SUGCT: variants seen among roughly 807,000 people sequenced by gnomAD.
SUGCT encodes the protein succinyl-CoA:glutarate CoA-transferase.
SUGCT carries 41 observed loss-of-function variants against 55.0 expected under a neutral mutation model. The ratio of observed to expected loss-of-function variants is 0.74; its 90% confidence interval spans 0.58 to 0.97. The LOEUF (loss-of-function observed/expected upper bound fraction) is 0.97. SUGCT is among the 50% of genes least tolerant of loss of function. SUGCT has a pLI of 0.00. For synonymous variants in SUGCT, 187 were observed against 200.4 expected (o/e 0.93, Z 0.56); for missense variants, 568 against 547.8 (o/e 1.04, Z -0.37).
chr7:40,138,224 C>T (rs1248336583), intron 1 of SUGCT, among the ~76,000 whole-genome samples: 1 of 152,122 alleles, frequency 6.6e-6, no homozygotes, highest in Admixed American at 6.5e-5. Context: ...TTACCACCAA[C>T]TTATAAGGGA....
At chr7:40,769,833 A>G (rs1789000372) in intron 13 of SUGCT, among the ~76,000 whole-genome samples, 1 of 152,196 alleles carries the variant, frequency 6.6e-6, no homozygotes, top group Non-Finnish European at 1.5e-5. Flanking sequence ...CTTAAATTTT[A>G]TTTGATCCCT....
intron 12 of SUGCT, among the ~76,000 whole-genome samples, chr7:40,746,028 A>G (rs1787712154): frequency 6.6e-6 from 1 of 152,204 alleles, no homozygotes; most frequent in Non-Finnish European, 1.5e-5. Flanking sequence ...TTCACCAAAA[A>G]ATGTTATACA....
chr7:40,930,428 T>A, the SUGCT span, among the ~76,000 whole-genome samples: 1 of 152,204 alleles, frequency 6.6e-6, no homozygotes, highest in Non-Finnish European at 1.5e-5. Context: ...CTATATGAAC[T>A]TTAAAGTAGT....
At chr7:40,827,744 C>T (rs1299527846) in intron 13 of SUGCT, among the ~76,000 whole-genome samples, 1 of 152,134 alleles carries the variant, frequency 6.6e-6, no homozygotes, top group East Asian at 1.9e-4. Context: ...TACCATCCAG[C>T]TCTCCTTTGG....
chr7:40,888,763 C>T, the SUGCT span, among the ~76,000 whole-genome samples: 2 of 152,106 alleles, frequency 1.3e-5, no homozygotes, highest in Non-Finnish European at 2.9e-5. Context: ...CAGTCAGGGC[C>T]AAAGGATTAC....
intron 9 of SUGCT, among the ~76,000 whole-genome samples, chr7:40,422,303 A>G (rs1028892886): frequency 1.3e-5 from 2 of 152,076 alleles, no homozygotes; most frequent in African/African-American, 4.8e-5. Flanking sequence ...ATTGACTAGC[A>G]TTTTTGAGTT....
intron 11 of SUGCT, among the ~76,000 whole-genome samples, chr7:40,468,009 C>G (rs928561085): frequency 8.1e-5 from 12 of 149,012 alleles, no homozygotes; most frequent in African/African-American, 3.0e-4. Context: ...TTAATAGCCC[C>G]TATTCTATTC....
At chr7:40,570,764 C>CTT (rs1796398169) in intron 12 of SUGCT, among the ~76,000 whole-genome samples, 1 of 151,126 alleles carries the variant, frequency 6.6e-6, no homozygotes, top group Non-Finnish European at 1.5e-5. Context: ...AGATAACCAG[C>CTT]CTAATTAGGA....
the SUGCT span, among the ~76,000 whole-genome samples, chr7:41,000,321 T>C: frequency 1.3e-5 from 2 of 152,124 alleles, no homozygotes; most frequent in Non-Finnish European, 2.9e-5. Flanking sequence ...TAAATTGGTC[T>C]TGGATGGTAG....
chr7:40,670,063 T>C (rs1484724879), intron 12 of SUGCT, among the ~76,000 whole-genome samples: 3 of 150,296 alleles, frequency 2.0e-5, no homozygotes, highest in Non-Finnish European at 4.4e-5. Flanking sequence ...ATAACACCTT[T>C]CCTACAGAGG....
intron 12 of SUGCT, among the ~76,000 whole-genome samples, chr7:40,509,481 C>G (rs1349825605): frequency 3.3e-5 from 5 of 152,144 alleles, no homozygotes; most frequent in African/African-American, 1.2e-4. Flanking sequence ...TTGTTCACTC[C>G]CATTCCCTCT....
chr7:40,914,881 C>T, the SUGCT span, among the ~76,000 whole-genome samples: 1 of 152,100 alleles, frequency 6.6e-6, no homozygotes, highest in Non-Finnish European at 1.5e-5. Context: ...TATCTGAAAT[C>T]AGAGAGGAAG....
intron 7 of SUGCT, among the ~76,000 whole-genome samples, chr7:40,260,271 A>G (rs1316490288): frequency 6.6e-6 from 1 of 152,142 alleles, no homozygotes; most frequent in Non-Finnish European, 1.5e-5. Context: ...CTTCCTCTTT[A>G]GAATATTAGT....
chr7:40,832,005 T>G (rs1792695118), intron 13 of SUGCT, among the ~76,000 whole-genome samples: 2 of 152,104 alleles, frequency 1.3e-5, no homozygotes, highest in Non-Finnish European at 2.9e-5. Context: ...CAGCACATGT[T>G]GGGGGGTCTT....
At chr7:40,511,902 G>A (rs1046088056) in intron 12 of SUGCT, among the ~76,000 whole-genome samples, 1 of 151,984 alleles carries the variant, frequency 6.6e-6, no homozygotes, top group Non-Finnish European at 1.5e-5. Flanking sequence ...CATCATACTT[G>A]AGATTTTATT....
At chr7:40,799,589 T>C (rs1007936268) in intron 13 of SUGCT, among the ~76,000 whole-genome samples, 1 of 152,180 alleles carries the variant, frequency 6.6e-6, no homozygotes, top group Non-Finnish European at 1.5e-5. Flanking sequence ...ATTAGGTTTA[T>C]AGCACTTGAC....
intron 9 of SUGCT, among the ~76,000 whole-genome samples, chr7:40,435,246 C>G (rs983445291): frequency 6.6e-6 from 1 of 152,160 alleles, no homozygotes; most frequent in Non-Finnish European, 1.5e-5. Flanking sequence ...ATTGTTCCAA[C>G]TATAGGACAT....
intron 9 of SUGCT, among the ~76,000 whole-genome samples, chr7:40,334,849 A>ATGCCTAGGTTT (rs1796587543): frequency 6.6e-6 from 1 of 152,112 alleles, no homozygotes; most frequent in Non-Finnish European, 1.5e-5. Context: ...CTGAATGGTA[A>ATGCCTAGGTTT]TGCCTAGGTT....
At chr7:40,270,923 T>G (rs951825139) in intron 7 of SUGCT, among the ~76,000 whole-genome samples, 63 of 152,336 alleles carry the variant, frequency 4.1e-4, no homozygotes, top group African/African-American at 1.4e-3. Context: ...TTTGTTAAAT[T>G]TATTTCTAAG....
Sources: gnomAD v4.1 joint callset for allele counts (sites outside exome capture counted in the v4.1 genomes callset) on GRCh38, gnomAD v4.1.1 for gene constraint, MANE v1.5 for transcripts, NCBI Gene and HGNC (gene_info 2026-07-23, HGNC 2026-07-21) for gene names.